The following MGAT5 variants were observed in gnomAD, a reference collection of about 807,000 sequenced individuals.
The protein encoded by MGAT5 is alpha-1,6-mannosylglycoprotein 6-beta-N-acetylglucosaminyltransferase A.
Under a neutral mutation model 94.3 loss-of-function variants are expected in MGAT5, and 30 were observed. That is an observed-to-expected ratio of 0.32 (90% CI 0.24 to 0.43). MGAT5 has a LOEUF of 0.43. MGAT5 is among the 20% of genes least tolerant of loss of function. The pLI, the probability that MGAT5 is intolerant of heterozygous loss-of-function variation, is 1.00. For missense variants in MGAT5, 691 were observed against 905.5 expected (o/e 0.76, Z 3.04); for synonymous variants, 310 against 322.9 (o/e 0.96, Z 0.43).
intron 14 of MGAT5, among the ~76,000 whole-genome samples, chr2:134,437,333 G>T (rs772195801): frequency 1.3e-5 from 2 of 152,182 alleles, no homozygotes; most frequent in Non-Finnish European, 2.9e-5. Context: ...TGTACCCCAT[G>T]AGGCTGAACA....
In MGAT5 at chr2:134,181,612, CT is replaced by C. The variant is rs369088624; in HGVS notation, c.-143+61322del. ...TTCTAAGCTGGTGATAAAATACTTC[CT>C]GAAAAATCTTTGGTTTGTCTAAATT... On this transcript the variant is annotated intron_variant, in intron 1 of 16. Transcript: ENST00000409645. Among the ~76,000 whole-genome samples, 64 of 152,166 alleles carry C rather than the reference CT, an allele frequency of 4.2e-4. 1 individual carries two copies. The highest frequency in any genetic ancestry group is 1.4e-3 in the African/African-American group (57 of 41,516).
chr2:134,161,846 AATAGGAGTAG>A (rs1237461825), intron 1 of MGAT5, among the ~76,000 whole-genome samples: 2 of 152,064 alleles, frequency 1.3e-5, no homozygotes, highest in Non-Finnish European at 1.5e-5. Flanking sequence ...ACATGTGTAA[AATAGGAGTAG>A]ATATGAATAT....
chr2:134,386,728 C>CT (rs1490709495), intron 10 of MGAT5, among the ~76,000 whole-genome samples: 21 of 152,122 alleles, frequency 1.4e-4, no homozygotes, highest in Non-Finnish European at 2.9e-4. Context: ...CTCCTAGTTA[C>CT]TAGGGAGATT....
intron 1 of MGAT5, among the ~76,000 whole-genome samples, chr2:134,146,540 A>G (rs1686928378): frequency 6.6e-6 from 1 of 151,236 alleles, no homozygotes; most frequent in Non-Finnish European, 1.5e-5. Flanking sequence ...AGCCTGTGCA[A>G]CACAGCAGGA....
intron 1 of MGAT5, among the ~76,000 whole-genome samples, chr2:134,162,727 G>C (rs1687793188): frequency 1.3e-5 from 2 of 152,204 alleles, no homozygotes; most frequent in South Asian, 4.1e-4. Flanking sequence ...AGGAGGGGTA[G>C]AAATAACATG....
chr2:134,130,001 G>A lies in MGAT5; in HGVS notation c.-143+9710G>A, dbSNP rs553160188. On this transcript the variant is annotated intron_variant, in intron 1 of 16. Transcript: ENST00000409645. ...TCACAGGCCAGCGCAAGTTCCAGGT[G>A]GGCGTGGGCTCCGCGGGCCCCGCAC... is the stretch of plus-strand genomic sequence containing the variant. Among the ~76,000 whole-genome samples the A allele has an allele frequency of 3.3e-5, 5 of 152,292 alleles. No homozygotes were observed. The East Asian group carries it at 9.7e-4, about 29-fold the overall frequency.
chr2:134,255,356 G>A (rs1682872779), intron 1 of MGAT5, among the ~76,000 whole-genome samples: 1 of 151,266 alleles, frequency 6.6e-6, no homozygotes, highest in African/African-American at 2.4e-5. Context: ...CTGTAGACAA[G>A]CAAAAAAAGA....
intron 10 of MGAT5, among the ~76,000 whole-genome samples, chr2:134,396,225 C>A (rs113040776): frequency 3.2e-4 from 48 of 152,222 alleles, no homozygotes; most frequent in African/African-American, 1.1e-3. Flanking sequence ...TATACCTTGA[C>A]CTTGGGTGGT....
intron 1 of MGAT5, among the ~76,000 whole-genome samples, chr2:134,131,076 G>A (rs548715931): frequency 6.6e-6 from 1 of 152,294 alleles, no homozygotes; most frequent in South Asian, 2.1e-4. Context: ...TTTGCTGCTG[G>A]TCACTCTTTG....
chr2:134,412,323 C>A lies in MGAT5; in HGVS notation c.1531-546C>A, dbSNP rs528930421. On this transcript the variant is annotated intron_variant, in intron 11 of 15. Coordinates refer to ENST00000281923, the MANE Select transcript of MGAT5 (RefSeq NM_002410.5). ...AAGATGTTGGTGTCCCCAGTGTAAA[C>A]CCCATTATGAAAACCTGTGTTTACT... Among the ~76,000 whole-genome samples, 8 of 152,258 alleles carry A rather than the reference C, an allele frequency of 5.3e-5. No individual in the cohort carries two copies. The South Asian group carries it at 1.7e-3, about 32-fold the overall frequency.
intron 1 of MGAT5, among the ~76,000 whole-genome samples, chr2:134,129,565 G>A (rs1686018964): frequency 1.3e-5 from 2 of 151,910 alleles, no homozygotes; most frequent in African/African-American, 4.8e-5. Flanking sequence ...AAGGTTTACT[G>A]TTATAGGATC....
intron 13 of MGAT5, among the ~76,000 whole-genome samples, chr2:134,426,698 G>A (rs1684608258): frequency 6.7e-6 from 1 of 150,334 alleles, no homozygotes; most frequent in Non-Finnish European, 1.5e-5. Context: ...CCCATGGGTT[G>A]AGTAAACATC....
intron 11 of MGAT5, among the ~76,000 whole-genome samples, chr2:134,405,632 G>T (rs1320465705): frequency 6.6e-6 from 1 of 152,244 alleles, no homozygotes; most frequent in Non-Finnish European, 1.5e-5. Context: ...CCGAGAAGCA[G>T]ATGTCTGCAG....
intron 2 of MGAT5, among the ~76,000 whole-genome samples, chr2:134,294,893 T>G (rs1347294881): frequency 6.6e-6 from 1 of 152,188 alleles, no homozygotes; most frequent in Non-Finnish European, 1.5e-5. Context: ...ATGTTCTAAG[T>G]TGCTAGCCAA....
chr2:134,209,152 A>ATTTTTTTTTTTTT (rs869116395), intron 1 of MGAT5, among the ~76,000 whole-genome samples: 1 of 20,780 alleles, frequency 4.8e-5, no homozygotes, highest in Non-Finnish European at 6.4e-5. Context: ...TTTTTTTTTT[A>ATTTTTTTTTTTTT]TTTTTTTTTT....
At chr2:134,304,786 G>A (rs1325393847) in intron 2 of MGAT5, among the ~76,000 whole-genome samples, 2 of 152,164 alleles carry the variant, frequency 1.3e-5, no homozygotes, top group Non-Finnish European at 2.9e-5. Flanking sequence ...ATGTTGCCCA[G>A]GCTGGTCTCA....
chr2:134,258,275 A>G (rs1013981384), intron 1 of MGAT5, among the ~76,000 whole-genome samples: 12 of 152,244 alleles, frequency 7.9e-5, no homozygotes, highest in African/African-American at 2.9e-4. Flanking sequence ...AACATCTGAA[A>G]CATTCTGAAT....
At chr2:134,223,200 GCA>G (rs1680876633) in intron 1 of MGAT5, among the ~76,000 whole-genome samples, 3 of 152,176 alleles carry the variant, frequency 2.0e-5, no homozygotes, top group African/African-American at 7.2e-5. Flanking sequence ...AGCTGTTTAG[GCA>G]TTTTTTGTAC....
intron 2 of MGAT5, among the ~76,000 whole-genome samples, chr2:134,277,028 A>C (rs530266239): frequency 6.6e-6 from 1 of 152,328 alleles, no homozygotes; most frequent in Non-Finnish European, 1.5e-5. Flanking sequence ...GACTGTAGCC[A>C]CAAGCCATTT....
Sources: gnomAD v4.1 joint callset for allele counts (sites outside exome capture counted in the v4.1 genomes callset) on GRCh38, gnomAD v4.1.1 for gene constraint, MANE v1.5 for transcripts, NCBI Gene and HGNC (gene_info 2026-07-23, HGNC 2026-07-21) for gene names.